The following VRK2 variants were observed in gnomAD, a reference collection of about 807,000 sequenced individuals.
VRK2 encodes VRK serine/threonine kinase 2, also known as serine/threonine-protein kinase VRK2.
In VRK2, 60 loss-of-function variants were observed where a neutral mutation model predicts 57.6. That is an observed-to-expected ratio of 1.04 (90% CI 0.85 to 1.29). The LOEUF is 1.29. Among genes scored for constraint, VRK2 ranks in the 50% most tolerant of loss-of-function variants. The probability of loss-of-function intolerance (pLI) is 0.00; values close to 1 mark genes in which losing one functional copy is unlikely to be tolerated. For missense variants in VRK2, 705 were observed against 588.1 expected (o/e 1.20, Z -2.06); for synonymous variants, 231 against 199.2 (o/e 1.16, Z -1.35).
chr2:58,147,554 A>G (rs1682348590), intron 12 of VRK2, among the ~76,000 whole-genome samples: 1 of 151,850 alleles, frequency 6.6e-6, no homozygotes, highest in Non-Finnish European at 1.5e-5. Flanking sequence ...AGGGATAGGG[A>G]AGCACTGCGA....
At chr2:58,121,402 A>G (rs1256920322) in intron 7 of VRK2, among the ~76,000 whole-genome samples, 1 of 152,180 alleles carries the variant, frequency 6.6e-6, no homozygotes, top group Admixed American at 6.5e-5. Context: ...TGAAATAAAG[A>G]CAAAAATGCA....
upstream of VRK2, chr2:58,046,492 C>T (rs1674763146): frequency 6.1e-6 from 6 of 985,482 alleles, no homozygotes; most frequent in Non-Finnish European, 7.2e-6. Flanking sequence ...TCTAACACTC[C>T]TACACAAATG....
chr2:58,022,630 C>T (rs1000651627), intron 1 of VRK2, among the ~76,000 whole-genome samples: 3 of 152,244 alleles, frequency 2.0e-5, no homozygotes, highest in African/African-American at 7.2e-5. Context: ...AACCCCAGCA[C>T]TTTGGGAGGC....
At chr2:58,122,468 G>T (rs1460013603) in intron 7 of VRK2, among the ~76,000 whole-genome samples, 1 of 152,094 alleles carries the variant, frequency 6.6e-6, no homozygotes, top group Non-Finnish European at 1.5e-5. Context: ...CTAAAGAAAA[G>T]AAAATGTTAA....
chr2:57,984,407 G>T (rs1672529970), intron 1 of VRK2, among the ~76,000 whole-genome samples: 1 of 152,126 alleles, frequency 6.6e-6, no homozygotes, highest in Non-Finnish European at 1.5e-5. Flanking sequence ...GACCAAGTAG[G>T]TCATTTCTAG....
At chr2:58,013,893 C>G (rs994672167) in intron 1 of VRK2, among the ~76,000 whole-genome samples, 2 of 150,004 alleles carry the variant, frequency 1.3e-5, no homozygotes, top group African/African-American at 4.9e-5. Flanking sequence ...GATACAGTAC[C>G]TTGCTCACTA....
intron 7 of VRK2, among the ~76,000 whole-genome samples, chr2:58,098,917 T>A (rs894858234): frequency 1.3e-5 from 2 of 152,122 alleles, no homozygotes; most frequent in Non-Finnish European, 2.9e-5. Flanking sequence ...TTGTGCTTCA[T>A]TGATAGGTAG....
chr2:57,972,773 G>T, intron 1 of VRK2, among the ~76,000 whole-genome samples: 1 of 151,712 alleles, frequency 6.6e-6, no homozygotes. Flanking sequence ...TGGCCCTATA[G>T]ATAATCATTC....
chr2:58,107,528 G>A lies in VRK2; in HGVS notation c.544-15573G>A, dbSNP rs76020498. Among the ~76,000 whole-genome samples the A allele has an allele frequency of 2.3e-3, 344 of 152,224 alleles. 1 individual carries two copies. Among genetic ancestry groups the A allele is most frequent in the Non-Finnish European group, 2.7e-3 (183 of 68,006 alleles). On this transcript the variant is annotated intron_variant, in intron 7 of 12. Coordinates refer to ENST00000340157, the MANE Select transcript of VRK2 (RefSeq NM_006296.7). The stretch of plus-strand genomic sequence containing the variant: ...AATTTTCATCAGTCTCTCATTATGA[G>A]ACTTTAATGGACACATTTCTCATTA...
intron 1 of VRK2, among the ~76,000 whole-genome samples, chr2:57,934,027 T>C (rs1670824896): frequency 6.6e-6 from 1 of 152,228 alleles, no homozygotes; most frequent in African/African-American, 2.4e-5. Flanking sequence ...TCCATACTTT[T>C]GCTACCCCAA....
chr2:58,110,754 A>G (rs1675430442), intron 7 of VRK2, among the ~76,000 whole-genome samples: 1 of 152,164 alleles, frequency 6.6e-6, no homozygotes, highest in Non-Finnish European at 1.5e-5. Context: ...ACACTTGTGA[A>G]AGGAAAGGGA....
chr2:58,131,768 G>C (rs567570698), intron 8 of VRK2, 40 bp from the exon 9 acceptor site: 55 of 1,544,924 alleles, frequency 3.6e-5, no homozygotes, highest in Non-Finnish European at 4.6e-5. Flanking sequence ...TCAAGGACTT[G>C]CTTATCCCTT....
At chr2:58,137,778 G>A (rs1680753601) in intron 10 of VRK2, among the ~76,000 whole-genome samples, 1 of 151,954 alleles carries the variant, frequency 6.6e-6, no homozygotes, top group Non-Finnish European at 1.5e-5. Context: ...AAAAGCAGAT[G>A]ATTAAAAAAA....
At chr2:57,926,239 AT>A (rs1670527849) in intron 1 of VRK2, among the ~76,000 whole-genome samples, 1 of 151,152 alleles carries the variant, frequency 6.6e-6, no homozygotes, top group Non-Finnish European at 1.5e-5. Context: ...CTGCTAGGTC[AT>A]CTTGTTCTAT....
At chr2:57,960,931 A>G (rs762433421) in intron 1 of VRK2, among the ~76,000 whole-genome samples, 1 of 152,232 alleles carries the variant, frequency 6.6e-6, no homozygotes, top group Non-Finnish European at 1.5e-5. Flanking sequence ...CATTTCTGTT[A>G]CCAGCTCTTC....
chr2:58,079,213 G>C (rs1482784824), intron 2 of VRK2, among the ~76,000 whole-genome samples: 1 of 152,006 alleles, frequency 6.6e-6, no homozygotes, highest in East Asian at 1.9e-4. Context: ...GTAGGTGCAT[G>C]ATTTATTGTA....
chr2:58,132,185 C>T (rs1452528475), intron 9 of VRK2, among the ~76,000 whole-genome samples: 1 of 151,912 alleles, frequency 6.6e-6, no homozygotes, highest in Non-Finnish European at 1.5e-5. Flanking sequence ...ATGGTATTTC[C>T]AAAGCTTAGA....
At chr2:58,029,031 T>G (rs1674033938) in intron 2 of VRK2, among the ~76,000 whole-genome samples, 1 of 148,902 alleles carries the variant, frequency 6.7e-6, no homozygotes, top group Admixed American at 6.7e-5. Flanking sequence ...TTAAAACACT[T>G]AACAATTTGA....
intron 1 of VRK2, among the ~76,000 whole-genome samples, chr2:57,990,536 TATC>T (rs1672731377): frequency 1.3e-5 from 2 of 152,176 alleles, no homozygotes; most frequent in South Asian, 4.1e-4. Context: ...TTTTTATACT[TATC>T]ATCAAAAAGA....
Sources: allele counts gnomAD v4.1 joint callset (sites outside exome capture counted in the v4.1 genomes callset), GRCh38; gene constraint gnomAD v4.1.1; transcripts MANE v1.5; gene names NCBI Gene and HGNC (gene_info 2026-07-23, HGNC 2026-07-21).